Variants in JCAD observed in about 807,000 individuals in gnomAD.
The protein encoded by JCAD is junctional cadherin 5-associated protein.
Under a neutral mutation model 98.0 loss-of-function variants are expected in JCAD, and 40 were observed. That is an observed-to-expected ratio of 0.41 (90% CI 0.32 to 0.53). JCAD has a LOEUF of 0.53. Ranked by LOEUF, JCAD falls within the 20% of genes least tolerant of loss-of-function variation. The pLI is 0.31. For missense variants in JCAD, 1,705 were observed against 1,738.1 expected (o/e 0.98, Z 0.34); for synonymous variants, 691 against 682.3 (o/e 1.01, Z -0.20).
chr10:30,068,127 G>T (rs188600079), intron 2 of JCAD, among the ~76,000 whole-genome samples: 6 of 152,160 alleles, frequency 3.9e-5, no homozygotes, highest in African/African-American at 1.2e-4. Flanking sequence ...GGTGGCTCAG[G>T]CCTGTGATCG....
chr10:30,072,028 G>A (rs1465386685), intron 1 of JCAD, among the ~76,000 whole-genome samples: 2 of 151,954 alleles, frequency 1.3e-5, no homozygotes, highest in African/African-American at 4.8e-5. Flanking sequence ...ACACTTTATG[G>A]TATTTCAATA....
At chr10:30,019,018 A>C (rs1254115201) in intron 3 of JCAD, among the ~76,000 whole-genome samples, 1 of 152,212 alleles carries the variant, frequency 6.6e-6, no homozygotes, top group Non-Finnish European at 1.5e-5. Context: ...CCAAGATAGG[A>C]AACTACCTAA....
chr10:30,084,838 T>C (rs12775784), intron 1 of JCAD, among the ~76,000 whole-genome samples: 2 of 152,052 alleles, frequency 1.3e-5, no homozygotes, highest in African/African-American at 4.8e-5. Context: ...TCTGTGTATC[T>C]ATCCATCCAT....
At chr10:30,060,595 G>C (rs1326665963), upstream of JCAD, among the ~76,000 whole-genome samples, 1 of 152,226 alleles carries the variant, frequency 6.6e-6, no homozygotes, top group East Asian at 1.9e-4. Context: ...TGGCACAGCA[G>C]ACTGGTGACC....
At position 30,027,346 on chromosome 10, in the gene JCAD, G is replaced by A. The variant is rs755568662; in HGVS notation, c.2802C>T (p.Arg934=). ...HPRAWPPSPG[R]FRVEEGGGAP... ...CACCGCCACCTTCTTCCACGCGAAA[G>A]CGGCCCGGGGATGGAGGCCAGGCAC... The change falls in exon 3 of 4, where the codon CGC becomes CGT. Residue 934 remains arginine (R), a synonymous_variant. Transcript: ENST00000375377. 4 of 1,612,184 alleles carry A rather than the reference G, an allele frequency of 2.5e-6. No homozygotes were observed. Among genetic ancestry groups the A allele is most frequent in the Non-Finnish European group, 3.4e-6 (4 of 1,180,040 alleles).
chr10:30,091,706 G>A (rs1276603743), intron 1 of JCAD, among the ~76,000 whole-genome samples: 1 of 124,916 alleles, frequency 8.0e-6, no homozygotes, highest in Non-Finnish European at 1.6e-5. Flanking sequence ...TTTGGACTAA[G>A]TTTTTAAATT....
In JCAD at chr10:30,027,088, C is replaced by T. The variant is rs768162944; in HGVS notation, c.3060G>A (p.Arg1020=). 2 of 1,614,094 alleles carry T rather than the reference C, an allele frequency of 1.2e-6. No individual in the cohort carries two copies. The highest frequency in any genetic ancestry group is 1.7e-6 in the Non-Finnish European group (2 of 1,180,046). ...SSVKPSEAVP[R]KFDSGGERGA... ...CCCTCTCTCCACCACTGTCAAACTT[C>T]CGAGGGACCGCTTCACTTGGTTTCA... The change falls in exon 3 of 4, where the codon CGG becomes CGA. Residue 1020 remains arginine, a synonymous_variant. Coordinates refer to ENST00000375377, the MANE Select transcript of JCAD (RefSeq NM_020848.4).
rs1184458326 is a variant in JCAD, at chr10:30,029,812, G to A, written c.336C>T (p.Asp112=). ...AWSSHPPTGN[D]QAYRRRGRQE... ...GCCGTCCTCTTCTCCGGTAGGCTTGGTCGTTACCAGTCGGGGGATGAGAGG... is the reference window on the plus strand; with the variant it reads ...GCCGTCCTCTTCTCCGGTAGGCTTGATCGTTACCAGTCGGGGGATGAGAGG... Residue 112 remains aspartate, a synonymous_variant, in exon 3 of 4, where the codon GAC becomes GAT. Transcript: ENST00000375377. 6.2e-7 allele frequency: 1 copy of A among 1,614,072 alleles called. No homozygotes were observed. The highest frequency in any genetic ancestry group is 8.5e-7 in the Non-Finnish European group (1 of 1,180,044).
At chr10:30,089,513 C>CGTGTGTGTGTGTGTGTGTGT (rs58665379) in intron 1 of JCAD, among the ~76,000 whole-genome samples, 2 of 142,954 alleles carry the variant, frequency 1.4e-5, no homozygotes, top group African/African-American at 2.6e-5. Flanking sequence ...ATGCTTCTTC[C>CGTGTGTGTGTGTGTGTGTGT]GTGTGTGTGT....
intron 1 of JCAD, among the ~76,000 whole-genome samples, chr10:30,077,005 A>G (rs1837993646): frequency 6.6e-6 from 1 of 152,190 alleles, no homozygotes; most frequent in Admixed American, 6.5e-5. Flanking sequence ...CACATATTTG[A>G]TTGAACTTGG....
upstream of JCAD, among the ~76,000 whole-genome samples, chr10:30,061,558 A>AT (rs1491456876): frequency 5.3e-5 from 8 of 151,402 alleles, no homozygotes; most frequent in East Asian, 1.9e-4. Context: ...AAAAAAAAAA[A>AT]GAAAGAAAAG....
chr10:30,090,863 C>T (rs186866135), intron 1 of JCAD, among the ~76,000 whole-genome samples: 104 of 152,228 alleles, frequency 6.8e-4, no homozygotes, highest in African/African-American at 2.4e-3. Context: ...GGGAGGGAAC[C>T]GGAGCCAAAC....
chr10:30,041,660 T>C (rs1837244748), intron 2 of JCAD, among the ~76,000 whole-genome samples: 2 of 152,202 alleles, frequency 1.3e-5, no homozygotes, highest in South Asian at 4.1e-4. Context: ...TGACAGGAGA[T>C]AATTACAAGT....
upstream of JCAD, chr10:30,059,648 C>CCCGCCCACCG (rs1837664690): frequency 2.6e-5 from 4 of 152,574 alleles, no homozygotes; most frequent in African/African-American, 9.6e-5. The surrounding 1 kb of genome is among the most constrained non-coding windows in gnomAD (Gnocchi z 5.0). Flanking sequence ...CCGGGGCTGC[C>CCCGCCCACCG]TCCTCTGCGC....
intron 1 of JCAD, among the ~76,000 whole-genome samples, chr10:30,088,383 A>G (rs1838200698): frequency 6.6e-6 from 1 of 152,098 alleles, no homozygotes; most frequent in Admixed American, 6.6e-5. Flanking sequence ...CCAGAGCCTG[A>G]TGGTCTCAGC....
At chr10:30,023,302 T>C (rs1286076446) in intron 3 of JCAD, among the ~76,000 whole-genome samples, 1 of 152,162 alleles carries the variant, frequency 6.6e-6, no homozygotes, top group African/African-American at 2.4e-5. Context: ...CCTCCCAAAG[T>C]GCTGGGACTA....
At chr10:30,053,507 G>A (rs576546553) in intron 1 of JCAD, among the ~76,000 whole-genome samples, 18 of 151,036 alleles carry the variant, frequency 1.2e-4, no homozygotes, top group African/African-American at 4.1e-4. Context: ...TGCAGTGAGC[G>A]GAGATTGTGC....
intron 1 of JCAD, among the ~76,000 whole-genome samples, chr10:30,074,501 C>T (rs115183332): frequency 7.2e-4 from 109 of 152,336 alleles, no homozygotes; most frequent in African/African-American, 2.5e-3. Flanking sequence ...CACACAATGA[C>T]GACTTCCAGG....
rs1375316434 is a variant in JCAD, at chr10:30,059,158, C to G, written c.-60+324G>C. 6.6e-6 allele frequency among the ~76,000 whole-genome samples: 1 copy of G among 151,776 alleles called. No individual in the cohort carries two copies. The highest frequency in any genetic ancestry group is 1.5e-5 in the Non-Finnish European group (1 of 67,880). ...TCCGCGCGCCGAGGGGCGACGCGAG[C>G]GCTAACGCCAGCCGCGGCCCGCGGT... On this transcript the variant is annotated intron_variant, in intron 1 of 3. Coordinates refer to ENST00000375377, the MANE Select transcript of JCAD (RefSeq NM_020848.4). The surrounding 1 kb of genome is among the most constrained non-coding windows in gnomAD (Gnocchi z 5.0).
Sources: allele counts gnomAD v4.1 joint callset (sites outside exome capture counted in the v4.1 genomes callset), GRCh38; gene constraint gnomAD v4.1.1; non-coding constraint Gnocchi (gnomAD v3.1); transcripts MANE v1.5; gene names NCBI Gene and HGNC (gene_info 2026-07-23, HGNC 2026-07-21).